RBPJ: variants seen among roughly 807,000 people sequenced by gnomAD.
RBPJ encodes recombining binding protein suppressor of hairless.
In RBPJ, 9 loss-of-function variants were observed where a neutral mutation model predicts 67.8. The ratio of observed to expected loss-of-function variants is 0.13; its 90% CI spans 0.08 to 0.23. RBPJ has a LOEUF of 0.23. Among genes scored for constraint, RBPJ ranks in the 10% least tolerant of loss-of-function variants. The pLI is 1.00. For synonymous variants in RBPJ, 198 were observed against 203.3 expected (o/e 0.97, Z 0.22); for missense variants, 305 against 595.6 (o/e 0.51, Z 5.08).
chr4:26,129,029 C>T, the RBPJ span, among the ~76,000 whole-genome samples: 2 of 152,194 alleles, frequency 1.3e-5, no homozygotes, highest in African/African-American at 4.8e-5. Context: ...ATGTCTTTAT[C>T]AGCAGATGAA....
chr4:26,141,944 G>A, the RBPJ span, among the ~76,000 whole-genome samples: 1 of 152,226 alleles, frequency 6.6e-6, no homozygotes, highest in Non-Finnish European at 1.5e-5. Flanking sequence ...GCCGGAATTT[G>A]CATGCAGAGT....
At position 26,177,301 on chromosome 4, in the gene RBPJ, C is replaced by T. The variant is rs1459466139; in HGVS notation, c.-167+13687C>T. Among the ~76,000 whole-genome samples, 3 of 152,164 alleles carry T rather than the reference C, an allele frequency of 2.0e-5. No individual in the cohort carries two copies. In the East Asian group the frequency reaches 5.8e-4, roughly 29 times the overall value. On this transcript the variant is annotated intron_variant, in intron 1 of 4. Transcript: ENST00000512351. Reference sequence around the variant, plus strand: ...GTATCTAAAGAAAATGTGGGCTGGGCGCAGTGGCTCATGCCTGTAATCCCA... The same window carrying T: ...GTATCTAAAGAAAATGTGGGCTGGGTGCAGTGGCTCATGCCTGTAATCCCA...
chr4:26,315,105 A>G (rs1412815101), upstream of RBPJ, among the ~76,000 whole-genome samples: 2 of 135,072 alleles, frequency 1.5e-5, no homozygotes, highest in East Asian at 4.8e-4. Flanking sequence ...AGATCGTGCC[A>G]CTGCACACCA....
intron 1 of RBPJ, among the ~76,000 whole-genome samples, chr4:26,267,652 G>C (rs1371832937): frequency 6.6e-6 from 1 of 151,722 alleles, no homozygotes; most frequent in Admixed American, 6.6e-5. Flanking sequence ...CTGTCACCCA[G>C]GCTGGAGTAC....
chr4:26,172,170 C>T (rs1160276536), intron 1 of RBPJ, among the ~76,000 whole-genome samples: 2 of 152,058 alleles, frequency 1.3e-5, no homozygotes, highest in South Asian at 2.1e-4. Context: ...GGTGGTAGCT[C>T]GTGATATATA....
At chr4:26,340,752 G>A (rs1203378784) in intron 1 of RBPJ, among the ~76,000 whole-genome samples, 2 of 151,886 alleles carry the variant, frequency 1.3e-5, no homozygotes, top group African/African-American at 4.8e-5. Context: ...CCAGCTGCTT[G>A]GGAGGCTGAG....
At chr4:26,165,612 T>C (rs1716246259) in intron 1 of RBPJ, among the ~76,000 whole-genome samples, 1 of 152,188 alleles carries the variant, frequency 6.6e-6, no homozygotes, top group Admixed American at 6.5e-5. Flanking sequence ...ATCGTTCAAG[T>C]TCTAAGACCA....
chr4:26,216,920 G>T (rs1278397184), intron 1 of RBPJ, among the ~76,000 whole-genome samples: 1 of 152,140 alleles, frequency 6.6e-6, no homozygotes, highest in African/African-American at 2.4e-5. Flanking sequence ...GTAAGACACT[G>T]TCTTAGTCAA....
intron 1 of RBPJ, among the ~76,000 whole-genome samples, chr4:26,342,297 T>TTAG (rs1285789529): frequency 2.7e-5 from 4 of 150,938 alleles, no homozygotes; most frequent in Non-Finnish European, 4.4e-5. Context: ...AATGTGGTGT[T>TTAG]TAGTAGCCAG....
chr4:26,121,652 G>T, the RBPJ span, among the ~76,000 whole-genome samples: 1 of 152,026 alleles, frequency 6.6e-6, no homozygotes, highest in Non-Finnish European at 1.5e-5. Flanking sequence ...TAATTACTCT[G>T]TAAATCATAG....
At chr4:26,428,145 G>C (rs1037679722) in intron 7 of RBPJ, among the ~76,000 whole-genome samples, 3 of 152,116 alleles carry the variant, frequency 2.0e-5, no homozygotes, top group African/African-American at 7.2e-5. Context: ...GTTTGATTTT[G>C]TTATGTTTTT....
chr4:26,141,813 C>T, the RBPJ span, among the ~76,000 whole-genome samples: 1 of 152,206 alleles, frequency 6.6e-6, no homozygotes, highest in African/African-American at 2.4e-5. Flanking sequence ...CCCCCTTTCC[C>T]TTCCCAGCCT....
At chr4:26,427,526 G>C (rs749185012) in intron 7 of RBPJ, among the ~76,000 whole-genome samples, 1 of 152,144 alleles carries the variant, frequency 6.6e-6, no homozygotes, top group African/African-American at 2.4e-5. Flanking sequence ...CTCAGCTCTG[G>C]GCATTTTAAA....
chr4:26,210,751 C>CCTTCTTTCTTTCCTTCTTTA (rs1718380556), intron 1 of RBPJ, among the ~76,000 whole-genome samples: 1 of 105,508 alleles, frequency 9.5e-6, no homozygotes, highest in Non-Finnish European at 2.0e-5. Context: ...TTCCTTCTTT[C>CCTTCTTTCTTTCCTTCTTTA]CTTCTTTCTT....
intron 1 of RBPJ, among the ~76,000 whole-genome samples, chr4:26,179,958 T>C (rs1716922691): frequency 6.6e-6 from 1 of 152,190 alleles, no homozygotes; most frequent in Admixed American, 6.5e-5. Flanking sequence ...TTAAAGCAAA[T>C]GTGGTACATA....
chr4:26,393,270 A>G lies in RBPJ; in HGVS notation c.59+6879A>G, dbSNP rs548641562. 2.7e-4 allele frequency among the ~76,000 whole-genome samples: 41 copies of G among 152,372 alleles called. No homozygotes were observed. The East Asian group carries it at 7.3e-3, about 27-fold the overall frequency. On this transcript the variant is annotated intron_variant, in intron 2 of 10. Transcript: ENST00000355476. ...TTTGTATAACAGCAAATGGAAATGT[A>G]AAATCAATGACCAAATCTGTGATAA...
At chr4:26,382,408 C>T (rs755020802) in intron 1 of RBPJ, among the ~76,000 whole-genome samples, 44 of 152,172 alleles carry the variant, frequency 2.9e-4, no homozygotes, top group Non-Finnish European at 5.6e-4. Flanking sequence ...TGGAAGTGGA[C>T]TTTGGTAAGT....
At chr4:26,423,969 T>G (rs988310217) in intron 5 of RBPJ, among the ~76,000 whole-genome samples, 7 of 152,202 alleles carry the variant, frequency 4.6e-5, no homozygotes, top group African/African-American at 1.7e-4. Flanking sequence ...TCAGTGATAT[T>G]CCAGGAAAAT....
At chr4:26,206,732 C>T (rs1359210061) in intron 1 of RBPJ, among the ~76,000 whole-genome samples, 2 of 135,144 alleles carry the variant, frequency 1.5e-5, no homozygotes, top group African/African-American at 5.7e-5. Flanking sequence ...ACTATAAAAA[C>T]GAAAGGCTTT....
Sources: allele counts gnomAD v4.1 joint callset (sites outside exome capture counted in the v4.1 genomes callset), GRCh38; gene constraint gnomAD v4.1.1; transcripts MANE v1.5; gene names NCBI Gene and HGNC (gene_info 2026-07-23, HGNC 2026-07-21).